Variants in RC3H2 observed in about 807,000 individuals in gnomAD.
RC3H2 encodes the protein ring finger and CCCH-type domains 2, also known as roquin-2.
RC3H2 carries 31 observed loss-of-function variants against 133.3 expected under a neutral mutation model. The observed-to-expected ratio is 0.23, with a 90% confidence interval of 0.17 to 0.31. The LOEUF (loss-of-function observed/expected upper bound fraction) is 0.31, where lower values mean the gene tolerates loss of function less well. RC3H2 is among the 10% of genes least tolerant of loss of function. The probability of loss-of-function intolerance (pLI) is 1.00; values close to 1 mark genes in which losing one functional copy is unlikely to be tolerated. For synonymous variants in RC3H2, 517 were observed against 502.2 expected (o/e 1.03, Z -0.40); for missense variants, 1,175 against 1,437.2 (o/e 0.82, Z 2.95).
At chr9:122,855,113 A>C in intron 15 of RC3H2, 71 bp downstream of exon 15, 1 of 1,143,724 alleles carries the variant, frequency 8.7e-7, no homozygotes, top group Non-Finnish European at 1.2e-6. Context: ...ACTCTGTCTC[A>C]ATTAAAAAAA....
intron 10 of RC3H2, among the ~76,000 whole-genome samples, chr9:122,864,943 A>T (rs1039289419): frequency 6.6e-6 from 1 of 152,132 alleles, no homozygotes; most frequent in Non-Finnish European, 1.5e-5. Context: ...ACCTCATTAC[A>T]GAGTATAAAG....
rs1320394787 is a variant in RC3H2 at position 122,849,751 on chromosome 9, G to A, written c.3452C>T (p.Ala1151Val). Residue 1151 changes from alanine (A) to valine (V), a missense_variant, in exon 21 of 21, where the codon GCA becomes GTA. Ala to Val is a moderately conservative substitution (Grantham distance 64). Transcript: ENST00000357244. ...AGATGTGGTGATGGGGAGGCAACTTGCATTGCTAATAGACACTGGGAGTGG... is the reference window on the plus strand; with the variant it reads ...AGATGTGGTGATGGGGAGGCAACTTACATTGCTAATAGACACTGGGAGTGG... ...SQPLPVSISN[A>V]SCLPITTSVS... The A allele has an allele frequency of 6.2e-7, 1 of 1,609,324 alleles. No individual in the cohort carries two copies. The highest frequency in any genetic ancestry group is 1.1e-5 in the South Asian group (1 of 90,588).
Position 122,905,306 on chromosome 9 carries a change from A to ACCTCCG in RC3H2, c.-270_-265dup, listed in dbSNP as rs952313005. 4.1e-5 allele frequency: 40 copies of ACCTCCG among 984,062 alleles called. No homozygotes were observed. The highest frequency in any genetic ancestry group is 5.2e-4 in the Middle Eastern group (1 of 1,936). 61.0% of individuals were successfully genotyped at this position (984,062 alleles called of 1,614,324 possible). ...GACGGGGCCTCCTCCTCCTCCCTCC[A>ACCTCCG]CCTCCGCCTCCTCCTCCTCCTCCTC... On this transcript the variant is annotated 5_prime_UTR_variant, in exon 1 of 21. Transcript: ENST00000357244.
chr9:122,897,700 G>A lies in RC3H2; in HGVS notation c.-67-124C>T, dbSNP rs1221850680. The A allele has an allele frequency of 2.6e-5, 17 of 665,494 alleles. No homozygotes were observed. The East Asian group carries it at 4.7e-4, about 18-fold the overall frequency. The allele number at this position is 665,494 out of a possible 1,614,324, so 41.2% of individuals were successfully genotyped here. A position where few individuals can be genotyped will look rare whatever the true frequency, so the allele number is the denominator to read the frequency against. ...CTTCTAAATAATTTTATAACCTTTG[G>A]ATGTCTTTTTTAAAAAACCTATTTG... On this transcript the variant is annotated intron_variant, in intron 1 of 20. Coordinates refer to ENST00000357244, the MANE Select transcript of RC3H2 (RefSeq NM_001100588.3).
Position 122,879,813 on chromosome 9 carries a change from A to G in RC3H2, c.1154T>C (p.Val385Ala). The change falls in exon 8 of 21, where the codon GTT becomes GCT. Residue 385 changes from valine to alanine, a missense_variant. This residue lies in a region of RC3H2 where 131 missense variants were observed against 154.2 expected (regional missense o/e 0.85). Coordinates refer to ENST00000357244, the MANE Select transcript of RC3H2 (RefSeq NM_001100588.3). ...TTGTATGAAGTCCACAAGGCCATGA[A>G]CTACTGTTTTAACAGCTACCATTGC... ...ENAMVAVKTV[V>A]HGLVDFIQNY... 6.2e-7 allele frequency: 1 copy of G among 1,614,162 alleles called. No homozygotes were observed. The highest frequency in any genetic ancestry group is 8.5e-7 in the Non-Finnish European group (1 of 1,180,030).
intron 4 of RC3H2, among the ~76,000 whole-genome samples, chr9:122,886,972 T>C (rs944544804): frequency 6.6e-6 from 1 of 152,258 alleles, no homozygotes; most frequent in Non-Finnish European, 1.5e-5. Flanking sequence ...TCTTAAATTC[T>C]ATATAAAAGT....
chr9:122,890,113 C>T (rs916795135), intron 4 of RC3H2, 199 bp downstream of exon 4: 1 of 614,844 alleles, frequency 1.6e-6, no homozygotes, highest in Non-Finnish European at 2.9e-6. Flanking sequence ...TGCACTCCAG[C>T]CTGGGTGACA....
At chr9:122,886,084 T>A (rs1325122393) in intron 4 of RC3H2, among the ~76,000 whole-genome samples, 1 of 152,032 alleles carries the variant, frequency 6.6e-6, no homozygotes, top group East Asian at 1.9e-4. Context: ...GAGACAGAGT[T>A]TTCCCATGTT....
intron 12 of RC3H2, 27 bp from the exon 13 acceptor site, chr9:122,858,120 T>C: frequency 3.7e-6 from 6 of 1,605,462 alleles, no homozygotes; most frequent in Non-Finnish European, 4.3e-6. Context: ...GAAACAATCT[T>C]AATCATCTAG....
intron 10 of RC3H2, among the ~76,000 whole-genome samples, chr9:122,862,968 G>A (rs1390684289): frequency 6.6e-6 from 1 of 151,796 alleles, no homozygotes; most frequent in Non-Finnish European, 1.5e-5. Flanking sequence ...TTATTTTAGG[G>A]TGTACAATTC....
chr9:122,866,375 C>CTCCCT (rs1830659678), intron 9 of RC3H2, among the ~76,000 whole-genome samples: 1 of 6,536 alleles, frequency 1.5e-4, no homozygotes, highest in African/African-American at 2.2e-4. Flanking sequence ...CCCTCCCCCT[C>CTCCCT]CCCCCTCCCT....
chr9:122,871,200 C>T (rs916391690), intron 9 of RC3H2, among the ~76,000 whole-genome samples: 3 of 152,180 alleles, frequency 2.0e-5, no homozygotes, highest in Admixed American at 6.5e-5. Context: ...CACCTGTGGC[C>T]TAGGTCTCAA....
chr9:122,902,820 C>T (rs1832705391), intron 1 of RC3H2, among the ~76,000 whole-genome samples: 1 of 141,148 alleles, frequency 7.1e-6, no homozygotes, highest in Admixed American at 7.3e-5. Context: ...CACTGCACTC[C>T]AGCATGGGTG....
At chr9:122,879,674 TAAC>T in intron 8 of RC3H2, 78 bp downstream of exon 8, 1 of 952,780 alleles carries the variant, frequency 1.0e-6, no homozygotes, top group Non-Finnish European at 1.6e-6. Flanking sequence ...GGAGTCCAAT[TAAC>T]AAAACAGCTG....
In RC3H2 at chr9:122,854,527, T is replaced by C; in HGVS notation, c.2900+4A>G. On this transcript the variant is annotated splice_donor_region_variant and intron_variant, in intron 16 of 20. Coordinates refer to ENST00000357244, the MANE Select transcript of RC3H2 (RefSeq NM_001100588.3). The stretch of plus-strand genomic sequence containing the variant: ...GAATCATATAGAATTAAGAAGAACG[T>C]TACCTTTCAACATAGTGTGCTGATG... 6.2e-7 allele frequency: 1 copy of C among 1,605,574 alleles called. No individual in the cohort carries two copies. Among genetic ancestry groups the C allele is most frequent in the East Asian group, 2.2e-5 (1 of 44,834 alleles).
chr9:122,850,016 G>A (rs183573656), intron 20 of RC3H2, among the ~76,000 whole-genome samples, 194 bp from the exon 21 acceptor site: 122 of 152,192 alleles, frequency 8.0e-4, no homozygotes, highest in Non-Finnish European at 1.4e-3. Context: ...TCCCTCCGTC[G>A]CCCAGGCTGG....
intron 3 of RC3H2, among the ~76,000 whole-genome samples, chr9:122,891,043 A>G (rs1248707512): frequency 7.8e-6 from 1 of 128,708 alleles, no homozygotes; most frequent in East Asian, 2.4e-4. Context: ...TTTTGGAGAC[A>G]GAGTCTCACT....
At position 122,885,972 on chromosome 9, in the gene RC3H2, C is replaced by T. The variant is rs1196884048; in HGVS notation, c.584-2593G>A. 2.0e-5 allele frequency among the ~76,000 whole-genome samples: 3 copies of T among 152,228 alleles called. No individual in the cohort carries two copies. The East Asian group carries it at 5.8e-4, about 29-fold the overall frequency. ...GCACGATCTTCGCTCACTGCAACCT[C>T]CGCCTCCTAGGTTCAAACGATTCTT... On this transcript the variant is annotated intron_variant, in intron 4 of 20. Coordinates refer to ENST00000357244, the MANE Select transcript of RC3H2 (RefSeq NM_001100588.3).
intron 1 of RC3H2, among the ~76,000 whole-genome samples, chr9:122,899,014 CA>C (rs1247821149): frequency 7.1e-6 from 1 of 141,216 alleles, no homozygotes; most frequent in Non-Finnish European, 1.5e-5. Context: ...TAGTCACATT[CA>C]AAGAGAAAAA....
Sources: allele counts gnomAD v4.1 joint callset (sites outside exome capture counted in the v4.1 genomes callset), GRCh38; gene constraint gnomAD v4.1.1; regional missense constraint gnomAD v4.1.1; transcripts MANE v1.5; gene names NCBI Gene and HGNC (gene_info 2026-07-23, HGNC 2026-07-21).